The following ANXA10 variants were observed in gnomAD, a reference collection of about 807,000 sequenced individuals.
The protein encoded by ANXA10 is annexin A10.
Under a neutral mutation model 53.5 loss-of-function variants are expected in ANXA10, and 49 were observed. That is an observed-to-expected ratio of 0.92 (90% CI 0.73 to 1.16). The LOEUF is 1.16. Among genes scored for constraint, ANXA10 ranks in the 50% most tolerant of loss-of-function variants. The pLI, the probability that ANXA10 is intolerant of heterozygous loss-of-function variation, is 0.00. For missense variants in ANXA10, 393 were observed against 394.4 expected (o/e 1.00, Z 0.03); for synonymous variants, 131 against 128.9 (o/e 1.02, Z -0.11).
rs549540500 is a variant in ANXA10, at chr4:168,181,330, G to T, written c.725-353G>T. Among the ~76,000 whole-genome samples the T allele has an allele frequency of 3.3e-3, 491 of 150,058 alleles. 2 individuals are homozygous for T. Among genetic ancestry groups the T allele is most frequent in the African/African-American group, 0.011 (457 of 40,590 alleles). On this transcript the variant is annotated intron_variant, in intron 9 of 11. Transcript: ENST00000359299. ...GGCGTGAACCCGGGAGGCGGAGCTT[G>T]CAGTGAGCCGAGATTACGCCACTGG... is the stretch of plus-strand genomic sequence containing the variant.
At chr4:168,128,929 G>GGGATTCTT (rs1403180400) in intron 2 of ANXA10, among the ~76,000 whole-genome samples, 2 of 151,404 alleles carry the variant, frequency 1.3e-5, no homozygotes. Flanking sequence ...GGACAATTTT[G>GGGATTCTT]GGATTCTTTT....
chr4:168,103,908 A>G (rs1730679979), intron 1 of ANXA10, among the ~76,000 whole-genome samples: 2 of 151,814 alleles, frequency 1.3e-5, no homozygotes, highest in East Asian at 1.9e-4. Flanking sequence ...ATTGCCTAAG[A>G]TTTTTCGGTA....
At chr4:168,139,224 G>C (rs1338872168) in intron 2 of ANXA10, among the ~76,000 whole-genome samples, 1 of 152,108 alleles carries the variant, frequency 6.6e-6, no homozygotes, top group Non-Finnish European at 1.5e-5. Flanking sequence ...TTGGTTGTGA[G>C]TTTGTCATAT....
intron 1 of ANXA10, among the ~76,000 whole-genome samples, chr4:168,122,969 T>TG (rs1579209879): frequency 6.6e-6 from 1 of 152,348 alleles, no homozygotes; most frequent in East Asian, 1.9e-4. Flanking sequence ...GCCAGTCTAT[T>TG]GAAAACTTTG....
rs1437294984 is a variant in ANXA10, at chr4:168,155,549, A to AT, written c.196-6979_196-6978insT. 5.2e-3 allele frequency among the ~76,000 whole-genome samples: 115 copies of AT among 22,082 alleles called. 27 individuals carry two copies. The highest frequency in any genetic ancestry group is 0.018 in the African/African-American group (47 of 2,668). 14.5% of individuals were successfully genotyped at this position (22,082 alleles called of 152,430 possible). ...TATAATATATAATTATATATTATAAAATATATAATTATATAATATATAATT... is the reference window on the plus strand; with the variant it reads ...TATAATATATAATTATATATTATAAATATATATAATTATATAATATATAATT... On this transcript the variant is annotated intron_variant, in intron 3 of 11. Transcript: ENST00000359299.
At chr4:168,181,290 C>T (rs1392117580) in intron 9 of ANXA10, among the ~76,000 whole-genome samples, 1 of 150,452 alleles carries the variant, frequency 6.6e-6, no homozygotes, top group Non-Finnish European at 1.5e-5. Flanking sequence ...ACTCGGGAGG[C>T]TGAGGCAGGA....
intron 3 of ANXA10, among the ~76,000 whole-genome samples, chr4:168,156,114 T>G (rs111216406): frequency 4.5e-5 from 2 of 44,660 alleles, no homozygotes; most frequent in Non-Finnish European, 7.3e-5. Context: ...AATATTATAT[T>G]TATTTATATT....
chr4:168,146,624 G>A (rs992617499), intron 3 of ANXA10, among the ~76,000 whole-genome samples: 1 of 152,156 alleles, frequency 6.6e-6, no homozygotes, highest in Admixed American at 6.5e-5. Context: ...GGTAGCAATT[G>A]TGTGATCTGA....
intron 9 of ANXA10, among the ~76,000 whole-genome samples, chr4:168,180,202 C>G (rs2149481395): frequency 6.6e-6 from 1 of 152,148 alleles, no homozygotes; most frequent in East Asian, 1.9e-4. Context: ...CAATAGATGA[C>G]TATTAATAAC....
chr4:168,145,587 T>C (rs1384441472), intron 3 of ANXA10, among the ~76,000 whole-genome samples: 2 of 152,316 alleles, frequency 1.3e-5, no homozygotes, highest in East Asian at 1.9e-4. Flanking sequence ...AAAGTTTTGC[T>C]AACACCCTAC....
intron 1 of ANXA10, among the ~76,000 whole-genome samples, chr4:168,121,297 C>T (rs894709064): frequency 3.3e-5 from 5 of 151,992 alleles, no homozygotes; most frequent in Non-Finnish European, 7.4e-5. Context: ...CTTCAAATTC[C>T]ATGGAATTTT....
At chr4:168,141,659 G>A (rs893834150) in intron 3 of ANXA10, among the ~76,000 whole-genome samples, 1 of 152,170 alleles carries the variant, frequency 6.6e-6, no homozygotes, top group Non-Finnish European at 1.5e-5. Flanking sequence ...TTTACTTGAA[G>A]GGAAAGAGGG....
chr4:168,095,883 G>C (rs1227863218), intron 1 of ANXA10, among the ~76,000 whole-genome samples: 1 of 152,066 alleles, frequency 6.6e-6, no homozygotes, highest in Non-Finnish European at 1.5e-5. Context: ...AATTAAATGA[G>C]AAAAACTTAG....
intron 1 of ANXA10, among the ~76,000 whole-genome samples, chr4:168,126,708 T>C (rs1251327123): frequency 2.0e-5 from 3 of 152,200 alleles, no homozygotes; most frequent in African/African-American, 7.2e-5. Context: ...TGCAAAACAT[T>C]AAATATAATA....
rs1234616746 is a variant in ANXA10 at position 168,112,533 on chromosome 4, T to A, written c.19-15551T>A. 4.6e-5 allele frequency among the ~76,000 whole-genome samples: 7 copies of A among 152,172 alleles called. 1 individual carries two copies. Among genetic ancestry groups the A allele is most frequent in the Admixed American group, 3.9e-4 (6 of 15,272 alleles). On this transcript the variant is annotated intron_variant, in intron 1 of 11. Transcript: ENST00000359299. ...AAATGATTTTTCTTAACTTTTTATG[T>A]CAGAGTTTTTTCATAACCAAATTTA... is the stretch of plus-strand genomic sequence containing the variant.
chr4:168,127,843 TTGC>T, intron 1 of ANXA10: 2 of 325,440 alleles, frequency 6.1e-6, no homozygotes, highest in Non-Finnish European at 5.7e-6. Flanking sequence ...TTTTTTTTTT[TTGC>T]CTCCTGAGTA....
chr4:168,122,314 G>A (rs1229517889), intron 1 of ANXA10, among the ~76,000 whole-genome samples: 1 of 152,190 alleles, frequency 6.6e-6, no homozygotes, highest in Non-Finnish European at 1.5e-5. Flanking sequence ...GTTTCCGACT[G>A]AGATCAGGTG....
intron 3 of ANXA10, among the ~76,000 whole-genome samples, chr4:168,155,054 G>C (rs941902439): frequency 1.3e-5 from 2 of 151,676 alleles, no homozygotes; most frequent in Non-Finnish European, 2.9e-5. Flanking sequence ...TTTACTGAAG[G>C]CTAGCTGTAT....
chr4:168,147,777 G>GA (rs1297172433), intron 3 of ANXA10, among the ~76,000 whole-genome samples: 1 of 152,148 alleles, frequency 6.6e-6, no homozygotes, highest in Non-Finnish European at 1.5e-5. Flanking sequence ...ACATATCCTT[G>GA]AGTCCTCCTG....
Sources: allele counts gnomAD v4.1 joint callset (sites outside exome capture counted in the v4.1 genomes callset), GRCh38; gene constraint gnomAD v4.1.1; transcripts MANE v1.5; gene names NCBI Gene and HGNC (gene_info 2026-07-23, HGNC 2026-07-21).